The following SLC27A2 variants were observed in gnomAD, a reference collection of about 807,000 sequenced individuals.
SLC27A2 encodes the protein solute carrier family 27 member 2.
A neutral mutation model predicts 60.0 loss-of-function variants in SLC27A2; 54 were observed. The observed-to-expected ratio is 0.90, with a 90% CI of 0.72 to 1.13. SLC27A2 has a LOEUF of 1.13. Among genes scored for constraint, SLC27A2 ranks in the 50% most tolerant of loss-of-function variants. The pLI, the probability that SLC27A2 is intolerant of heterozygous loss-of-function variation, is 0.00. For missense variants in SLC27A2, 739 were observed against 777.6 expected (o/e 0.95, Z 0.59); for synonymous variants, 297 against 297.6 (o/e 1.00, Z 0.02).
At position 50,228,929 on chromosome 15, in the gene SLC27A2, T is replaced by G. The variant is rs1436146545; in HGVS notation, c.1458-16T>G. On this transcript the variant is annotated splice_polypyrimidine_tract_variant and intron_variant, in intron 7 of 9. Transcript: ENST00000267842. ...AAACCACCAGTGACCTCTGCTAACTTTGTCCTTTCTTCCAGGTGGAAAGGG... is the reference window on the plus strand; with the variant it reads ...AAACCACCAGTGACCTCTGCTAACTGTGTCCTTTCTTCCAGGTGGAAAGGG... 1.9e-6 allele frequency: 3 copies of G among 1,587,328 alleles called. No homozygotes were observed. The highest frequency in any genetic ancestry group is 3.3e-5 in the Admixed American group (2 of 59,948).
chr15:50,182,277 C>A lies in SLC27A2; in HGVS notation c.-151C>A. ...CGGCGGTACCTGCAGCGGAGGAGCTCTGTCTTCCCCTTCATCTCACGCGAG... is the reference window on the plus strand; with the variant it reads ...CGGCGGTACCTGCAGCGGAGGAGCTATGTCTTCCCCTTCATCTCACGCGAG... On this transcript the variant is annotated 5_prime_UTR_variant, in exon 1 of 10. In the 5' UTR this introduces an upstream ATG that the reference lacks. Transcript: ENST00000267842. The A allele has an allele frequency of 8.2e-7, 1 of 1,222,572 alleles. No individual in the cohort carries two copies. The highest frequency in any genetic ancestry group is 1.0e-6 in the Non-Finnish European group (1 of 960,322). 75.7% of individuals were successfully genotyped at this position (1,222,572 alleles called of 1,614,324 possible).
At chr15:50,231,298 C>T (rs1242845030) in intron 8 of SLC27A2, among the ~76,000 whole-genome samples, 1 of 151,972 alleles carries the variant, frequency 6.6e-6, no homozygotes, top group Non-Finnish European at 1.5e-5. Context: ...CAGGCATGCA[C>T]GACCAGGCCC....
At chr15:50,220,981 T>C (rs974871598) in intron 4 of SLC27A2, among the ~76,000 whole-genome samples, 2 of 152,040 alleles carry the variant, frequency 1.3e-5, no homozygotes, top group African/African-American at 4.8e-5. Context: ...GGCAGGAGGA[T>C]AGCTTGAGGC....
chr15:50,202,873 G>A (rs1244194720), intron 3 of SLC27A2, among the ~76,000 whole-genome samples: 5 of 151,972 alleles, frequency 3.3e-5, no homozygotes, highest in Non-Finnish European at 7.4e-5. Context: ...TATATCAAGA[G>A]ACAAACTCCT....
chr15:50,229,259 T>C (rs1043458606), intron 8 of SLC27A2, among the ~76,000 whole-genome samples: 2 of 152,194 alleles, frequency 1.3e-5, no homozygotes, highest in Non-Finnish European at 2.9e-5. Flanking sequence ...CTCCCAGCCA[T>C]TCTTGGGCTC....
chr15:50,188,100 G>A (rs1040247724), intron 1 of SLC27A2, among the ~76,000 whole-genome samples: 2 of 152,092 alleles, frequency 1.3e-5, no homozygotes, highest in Non-Finnish European at 2.9e-5. Flanking sequence ...TAAACCGCAT[G>A]CACAAATGAT....
At chr15:50,200,401 G>C (rs546404692) in intron 2 of SLC27A2, among the ~76,000 whole-genome samples, 233 of 147,338 alleles carry the variant, frequency 1.6e-3, no homozygotes, top group African/African-American at 5.5e-3. Context: ...TGGCAACAGA[G>C]TGAAAGCCTA....
chr15:50,224,612 T>A (rs2045267175), intron 5 of SLC27A2, among the ~76,000 whole-genome samples: 1 of 152,168 alleles, frequency 6.6e-6, no homozygotes, highest in Admixed American at 6.5e-5. Flanking sequence ...TCTCTGACAA[T>A]GACAGCTCCA....
At chr15:50,197,746 C>A (rs2045035525) in intron 2 of SLC27A2, 37 bp downstream of exon 2, 1 of 1,477,946 alleles carries the variant, frequency 6.8e-7, no homozygotes, top group Non-Finnish European at 9.4e-7. Context: ...AAAAATTAAT[C>A]TGAAGGAGTT....
chr15:50,205,278 A>G lies in SLC27A2; in HGVS notation c.887A>G (p.Gln296Arg), dbSNP rs1203036728. The change falls in exon 4 of 10, where the codon CAG becomes CGG. Residue 296 changes from glutamine (Q) to arginine (R), a missense_variant. Transcript: ENST00000267842. The stretch of plus-strand genomic sequence containing the variant: ...TTGCGGACTAAATTTTCAGCCAGCC[A>G]GTTTTGGGATGACTGCAGAAAATAC... ...LALRTKFSAS[Q>R]FWDDCRKYNV... The G allele has an allele frequency of 6.2e-7, 1 of 1,607,536 alleles. No individual in the cohort carries two copies. The highest frequency in any genetic ancestry group is 8.5e-7 in the Non-Finnish European group (1 of 1,175,884).
intron 4 of SLC27A2, among the ~76,000 whole-genome samples, chr15:50,207,870 A>T (rs145667158): frequency 1.4e-3 from 209 of 152,034 alleles, no homozygotes; most frequent in African/African-American, 4.8e-3. Context: ...AAATTTTTTT[A>T]AATTTAATCA....
rs576470736 is a variant in SLC27A2, at chr15:50,209,192, G to A, written c.972+3829G>A. Among the ~76,000 whole-genome samples, 10 of 152,332 alleles carry A rather than the reference G, an allele frequency of 6.6e-5. No homozygotes were observed. The Middle Eastern group carries it at 0.01, about 155-fold the overall frequency. ...GCTGAATAGATTCAACTTACCTCTA[G>A]TGTTGACTGCGTCCCCCCAGAATTA... On this transcript the variant is annotated intron_variant, in intron 4 of 9. Transcript: ENST00000267842.
intron 1 of SLC27A2, 93 bp from the exon 2 acceptor site, chr15:50,197,407 T>G: frequency 2.1e-6 from 2 of 943,460 alleles, no homozygotes; most frequent in Non-Finnish European, 3.2e-6. Context: ...CAAAAAATTA[T>G]GCTGAAAATA....
intron 8 of SLC27A2, among the ~76,000 whole-genome samples, chr15:50,230,359 A>G (rs1269813653): frequency 1.3e-5 from 2 of 152,100 alleles, no homozygotes; most frequent in South Asian, 2.1e-4. Context: ...CCTGGCCAAC[A>G]TGGCAAAACT....
intron 2 of SLC27A2, 135 bp from the exon 3 acceptor site, chr15:50,202,352 G>A (rs1269804865): frequency 1.2e-6 from 1 of 804,354 alleles, no homozygotes; most frequent in African/African-American, 1.7e-5. Context: ...TCAACTCCTG[G>A]ACTAACTGGT....
chr15:50,233,982 G>A lies in SLC27A2; in HGVS notation c.1670G>A (p.Arg557Gln), dbSNP rs374651568. ...TACCTACCTAGTTATGCAAGGCCCCGGTTTCTAAGAATACAGGTGAGATCT... is the reference window on the plus strand; with the variant it reads ...TACCTACCTAGTTATGCAAGGCCCCAGTTTCTAAGAATACAGGTGAGATCT... ...ADYLPSYARP[R>Q]FLRIQDTIEI... The change falls in exon 9 of 10, where the codon CGG (arginine) becomes CAG (glutamine). Residue 557 changes from arginine to glutamine, a missense_variant. Physicochemically the swap from Arg to Gln is conservative, Grantham distance 43 (BLOSUM62 1). Coordinates refer to ENST00000267842, the MANE Select transcript of SLC27A2 (RefSeq NM_003645.4). 64 of 1,611,578 alleles carry A rather than the reference G, an allele frequency of 4.0e-5. No homozygotes were observed. The African/African-American group carries it at 6.6e-4, about 17-fold the overall frequency.
intron 1 of SLC27A2, among the ~76,000 whole-genome samples, chr15:50,189,943 A>G (rs964249262): frequency 6.6e-6 from 1 of 152,248 alleles, no homozygotes; most frequent in African/African-American, 2.4e-5. Flanking sequence ...ACTTGGAGAA[A>G]TAAAAATTAA....
At chr15:50,234,943 C>T (rs7162842) in intron 9 of SLC27A2, among the ~76,000 whole-genome samples, 27,917 of 150,918 alleles carry the variant, frequency 0.18, 2,961 homozygotes, top group African/African-American at 0.29. Flanking sequence ...TTTTAAAGAA[C>T]ACAGAAATCC....
At chr15:50,216,395 G>A (rs921280407) in intron 4 of SLC27A2, among the ~76,000 whole-genome samples, 6 of 151,876 alleles carry the variant, frequency 4.0e-5, no homozygotes, top group Admixed American at 1.3e-4. Context: ...GGAAAACAGC[G>A]TGGAGATTCC....
Sources: allele counts gnomAD v4.1 joint callset (sites outside exome capture counted in the v4.1 genomes callset), GRCh38; gene constraint gnomAD v4.1.1; transcripts MANE v1.5; gene names NCBI Gene and HGNC (gene_info 2026-07-23, HGNC 2026-07-21).